GRM8: variants seen among roughly 807,000 people sequenced by gnomAD.
The protein encoded by GRM8 is glutamate metabotropic receptor 8.
GRM8 carries 47 observed loss-of-function variants against 87.2 expected under a neutral mutation model. The observed-to-expected ratio is 0.54, with a 90% CI of 0.43 to 0.69. The LOEUF is 0.69. Among genes scored for constraint, GRM8 ranks in the 30% least tolerant of loss-of-function variants. GRM8 has a pLI of 0.00. For synonymous variants in GRM8, 396 were observed against 404.5 expected, an observed-to-expected ratio of 0.98 and a Z score of 0.25; for missense variants, 1,019 against 1,139.2, an observed-to-expected ratio of 0.89 and a Z score of 1.52.
At chr7:126,475,449 A>G (rs1388371227) in intron 9 of GRM8, among the ~76,000 whole-genome samples, 1 of 152,076 alleles carries the variant, frequency 6.6e-6, no homozygotes, top group African/African-American at 2.4e-5. Flanking sequence ...TAAGACATTG[A>G]TGAAAAAATT....
chr7:127,103,102 C>T (rs1236811954), intron 3 of GRM8, among the ~76,000 whole-genome samples: 3 of 152,156 alleles, frequency 2.0e-5, no homozygotes, highest in Non-Finnish European at 4.4e-5. Flanking sequence ...CTCAGCCCCC[C>T]AAAGTGCTGG....
At chr7:127,019,086 T>C (rs994003154) in intron 3 of GRM8, among the ~76,000 whole-genome samples, 5 of 151,990 alleles carry the variant, frequency 3.3e-5, no homozygotes, top group African/African-American at 7.2e-5. Flanking sequence ...GGATGACATA[T>C]ACAGAAACAA....
At chr7:126,846,459 G>C (rs929997195) in intron 6 of GRM8, among the ~76,000 whole-genome samples, 6 of 152,210 alleles carry the variant, frequency 3.9e-5, no homozygotes, top group Non-Finnish European at 7.3e-5. Context: ...CATTATAGGA[G>C]GGAAACTTTG....
chr7:127,238,046 A>C (rs1396193846), intron 2 of GRM8, among the ~76,000 whole-genome samples: 1 of 152,092 alleles, frequency 6.6e-6, no homozygotes, highest in Non-Finnish European at 1.5e-5. Context: ...CTCCTTTTTA[A>C]ATTCTTTCAA....
At chr7:126,748,328 T>C (rs770250353) in intron 7 of GRM8, among the ~76,000 whole-genome samples, 4 of 152,066 alleles carry the variant, frequency 2.6e-5, no homozygotes, top group Non-Finnish European at 4.4e-5. Flanking sequence ...AAAGTGAACA[T>C]ACAAAAATAA....
intron 9 of GRM8, among the ~76,000 whole-genome samples, chr7:126,514,721 T>C (rs1460912637): frequency 6.6e-6 from 1 of 152,000 alleles, no homozygotes; most frequent in African/African-American, 2.4e-5. Flanking sequence ...AATAAGAATA[T>C]ATATTTAGAT....
At chr7:126,652,276 A>G (rs1003883852) in intron 7 of GRM8, among the ~76,000 whole-genome samples, 2 of 152,150 alleles carry the variant, frequency 1.3e-5, no homozygotes, top group Non-Finnish European at 2.9e-5. Context: ...GCATTATGTT[A>G]CGTGTAATTA....
intron 6 of GRM8, among the ~76,000 whole-genome samples, chr7:126,821,537 G>A (rs1431780552): frequency 1.3e-5 from 2 of 152,256 alleles, no homozygotes; most frequent in East Asian, 1.9e-4. Flanking sequence ...ATAACCTCTT[G>A]GAAAACATCA....
At chr7:126,874,161 T>TACC (rs1163649405) in intron 6 of GRM8, among the ~76,000 whole-genome samples, 2 of 152,070 alleles carry the variant, frequency 1.3e-5, no homozygotes, top group African/African-American at 4.8e-5. Flanking sequence ...TTCACCTGGA[T>TACC]ACCCATCATG....
chr7:126,968,568 C>T (rs962926780), intron 3 of GRM8, among the ~76,000 whole-genome samples: 8 of 151,974 alleles, frequency 5.3e-5, no homozygotes, highest in African/African-American at 9.7e-5. Context: ...GTCAGAACCA[C>T]GGAATTAAAC....
chr7:126,854,376 C>A (rs984803093), intron 6 of GRM8, among the ~76,000 whole-genome samples: 2 of 152,156 alleles, frequency 1.3e-5, no homozygotes, highest in Admixed American at 1.3e-4. Flanking sequence ...TTATCTTTCC[C>A]AGCTCTTACT....
chr7:126,488,678 G>A (rs748993941), intron 9 of GRM8, among the ~76,000 whole-genome samples: 1 of 151,626 alleles, frequency 6.6e-6, no homozygotes, highest in South Asian at 2.1e-4. Context: ...TATACTATTG[G>A]ATATGTACTC....
chr7:126,609,650 T>C lies in GRM8; in HGVS notation c.1358-152A>G, dbSNP rs1798717725. Reference sequence around the variant, plus strand: ...CCATACAAGGTCATTCTTGATAGCATAATATCTTTTACATGAAAAAGAAGC... The same window carrying C: ...CCATACAAGGTCATTCTTGATAGCACAATATCTTTTACATGAAAAAGAAGC... On this transcript the variant is annotated intron_variant, in intron 7 of 10. Transcript: ENST00000339582. The C allele has an allele frequency of 9.9e-6, 6 of 608,138 alleles. No individual in the cohort carries two copies. In the East Asian group the frequency reaches 1.7e-4, roughly 17 times the overall value. The allele number at this position is 608,138 out of a possible 1,614,324, so 37.7% of individuals were successfully genotyped here. A position where few individuals can be genotyped will look rare whatever the true frequency, so the allele number is the denominator to read the frequency against.
chr7:127,215,804 C>A (rs1256895231), intron 2 of GRM8, among the ~76,000 whole-genome samples: 1 of 152,176 alleles, frequency 6.6e-6, no homozygotes, highest in African/African-American at 2.4e-5. Context: ...TGCTTAAAAG[C>A]TAGCGAGGCA....
intron 3 of GRM8, among the ~76,000 whole-genome samples, chr7:126,913,389 T>C (rs1325359710): frequency 6.6e-6 from 1 of 152,218 alleles, no homozygotes; most frequent in Admixed American, 6.5e-5. Flanking sequence ...TTATCAGTTG[T>C]TAAAGAGAAT....
intron 3 of GRM8, among the ~76,000 whole-genome samples, chr7:126,980,791 A>T (rs1473804328): frequency 1.3e-5 from 2 of 152,146 alleles, no homozygotes; most frequent in African/African-American, 4.8e-5. Context: ...TCATACATGA[A>T]TCTCTAAAAC....
At chr7:126,788,814 G>GAA (rs1024884785) in intron 6 of GRM8, among the ~76,000 whole-genome samples, 4 of 137,118 alleles carry the variant, frequency 2.9e-5, no homozygotes, top group Admixed American at 7.3e-5. Flanking sequence ...CTCAGAGACA[G>GAA]AAAAAAAAAA....
At chr7:127,081,871 A>G (rs1351979579) in intron 3 of GRM8, among the ~76,000 whole-genome samples, 1 of 152,216 alleles carries the variant, frequency 6.6e-6, no homozygotes, top group Non-Finnish European at 1.5e-5. Flanking sequence ...CTGAGTGCTG[A>G]TAAAGGAGAC....
intron 3 of GRM8, among the ~76,000 whole-genome samples, chr7:126,922,841 C>A (rs1804676997): frequency 6.6e-6 from 1 of 152,008 alleles, no homozygotes; most frequent in Non-Finnish European, 1.5e-5. Context: ...GTAGCACCTC[C>A]CCCTCCCTCC....
Sources: allele counts gnomAD v4.1 joint callset (sites outside exome capture counted in the v4.1 genomes callset), GRCh38; gene constraint gnomAD v4.1.1; transcripts MANE v1.5; gene names NCBI Gene and HGNC (gene_info 2026-07-23, HGNC 2026-07-21).